DLG2: variants seen among roughly 807,000 people sequenced by gnomAD.
DLG2 encodes discs large MAGUK scaffold protein 2.
A neutral mutation model predicts 132.5 loss-of-function variants in DLG2; 45 were observed. The ratio of observed to expected loss-of-function variants is 0.34; its 90% CI spans 0.27 to 0.44. DLG2 has a LOEUF of 0.44. Among genes scored for constraint, DLG2 ranks in the 20% least tolerant of loss-of-function variants. The pLI is 1.00. For missense variants in DLG2, 1,045 were observed against 1,196.9 expected (o/e 0.87, Z 1.87); for synonymous variants, 424 against 419.6 (o/e 1.01, Z -0.13).
At chr11:83,806,386 C>T (rs578183553) in intron 17 of DLG2, among the ~76,000 whole-genome samples, 1 of 152,194 alleles carries the variant, frequency 6.6e-6, no homozygotes, top group African/African-American at 2.4e-5. Flanking sequence ...ACTCTATACA[C>T]TTTCTCTACA....
At chr11:84,693,573 A>G (rs2058286621) in intron 6 of DLG2, among the ~76,000 whole-genome samples, 1 of 151,842 alleles carries the variant, frequency 6.6e-6, no homozygotes, top group African/African-American at 2.4e-5. Flanking sequence ...GAAAAAAAGT[A>G]TTAAGATTAT....
At chr11:84,502,210 CCTTCCTTCCTTCCTTCCT>C (rs1567803407) in intron 7 of DLG2, among the ~76,000 whole-genome samples, 504 of 14,152 alleles carry the variant, frequency 0.036, 132 homozygotes, top group Admixed American at 0.037. Flanking sequence ...CTCCTTCCTT[CCTTCCTTCCTTCCTTCCT>C]TCCTTCCTTC....
chr11:84,210,215 G>T (rs941027786), intron 8 of DLG2, among the ~76,000 whole-genome samples: 1 of 151,842 alleles, frequency 6.6e-6, no homozygotes, highest in African/African-American at 2.4e-5. Context: ...CCTGGGAGGT[G>T]GAGGTTACAG....
rs906663723 is a variant in DLG2, at chr11:84,329,197, A to T, written c.520-77906T>A. On this transcript the variant is annotated intron_variant, in intron 7 of 27. Coordinates refer to ENST00000376104, the MANE Select transcript of DLG2 (RefSeq NM_001142699.3). ...AGAACTATCCTTTATTTGTAAACTCACTCTTTCTTTCCCATTATTTCACAA... is the reference window on the plus strand; with the variant it reads ...AGAACTATCCTTTATTTGTAAACTCTCTCTTTCTTTCCCATTATTTCACAA... 1.8e-4 allele frequency among the ~76,000 whole-genome samples: 28 copies of T among 151,952 alleles called. 1 individual carries two copies. Among genetic ancestry groups the T allele is most frequent in the African/African-American group, 6.5e-4 (27 of 41,376 alleles).
At chr11:83,984,678 A>AT (rs201974720) in intron 11 of DLG2, among the ~76,000 whole-genome samples, 31 of 152,034 alleles carry the variant, frequency 2.0e-4, no homozygotes, top group South Asian at 6.2e-4. Context: ...AATGTAAAGA[A>AT]TTTTTTTTCC....
At chr11:85,150,036 TTG>T (rs1201438489) in intron 5 of DLG2, among the ~76,000 whole-genome samples, 51 of 144,896 alleles carry the variant, frequency 3.5e-4, no homozygotes, top group African/African-American at 1.3e-3. Context: ...TTTTTTTTTT[TTG>T]AGACAGAGTC....
In DLG2 at chr11:83,736,709, C is replaced by T. The variant is rs909734986; in HGVS notation, c.1825+49981G>A. On this transcript the variant is annotated intron_variant, in intron 18 of 27. Transcript: ENST00000376104. ...TTGCTCTCTAAAGTGCCTGTTTCTT[C>T]TCTAGAGCATTGCCCTAAAGAATAA... Among the ~76,000 whole-genome samples the T allele has an allele frequency of 2.5e-4, 38 of 152,028 alleles. 1 individual carries two copies. Among genetic ancestry groups the T allele is most frequent in the Non-Finnish European group, 2.9e-5 (2 of 68,008 alleles).
intron 8 of DLG2, among the ~76,000 whole-genome samples, chr11:84,248,919 T>A (rs1383919716): frequency 6.6e-6 from 1 of 152,136 alleles, no homozygotes; most frequent in Non-Finnish European, 1.5e-5. Context: ...TTTGAAGGAC[T>A]CAAAGTCAGA....
chr11:84,613,447 G>A (rs1170089628), intron 6 of DLG2, among the ~76,000 whole-genome samples: 1 of 151,942 alleles, frequency 6.6e-6, no homozygotes, highest in African/African-American at 2.4e-5. Flanking sequence ...TACTCAGCTT[G>A]GACAAGGTAT....
chr11:85,291,962 T>C (rs1290557994), intron 3 of DLG2, among the ~76,000 whole-genome samples: 1 of 152,178 alleles, frequency 6.6e-6, no homozygotes, highest in Non-Finnish European at 1.5e-5. Flanking sequence ...TCCTCCAACA[T>C]ACCTTGTTCT....
intron 22 of DLG2, among the ~76,000 whole-genome samples, chr11:83,476,709 G>A (rs1396543452): frequency 6.6e-6 from 1 of 152,082 alleles, no homozygotes; most frequent in Non-Finnish European, 1.5e-5. Context: ...AGGGAAGAGT[G>A]AAAAATGAAT....
chr11:84,673,602 A>T (rs1350525145), intron 6 of DLG2, among the ~76,000 whole-genome samples: 7 of 105,710 alleles, frequency 6.6e-5, no homozygotes, highest in Non-Finnish European at 1.2e-4. Flanking sequence ...CCTAGAATCT[A>T]AAAAAAAAAA....
chr11:84,546,891 C>T (rs890170068), intron 6 of DLG2: 1 of 173,574 alleles, frequency 5.8e-6, no homozygotes, highest in Non-Finnish European at 1.2e-5. Context: ...TGTGGCATCC[C>T]AGGGCCAAAA....
intron 19 of DLG2, among the ~76,000 whole-genome samples, chr11:83,626,993 G>C (rs58847848): frequency 0.18 from 27,888 of 151,842 alleles, 2,691 homozygotes; most frequent in Non-Finnish European, 0.2. Flanking sequence ...GCAATGGGAT[G>C]AGAGAGGCTT....
chr11:84,450,512 A>G (rs2099048657), intron 7 of DLG2, among the ~76,000 whole-genome samples: 1 of 151,644 alleles, frequency 6.6e-6, no homozygotes, highest in African/African-American at 2.4e-5. Flanking sequence ...CACTGTACCC[A>G]TAATTAGACA....
chr11:84,289,704 C>CA (rs1004875023), intron 7 of DLG2, among the ~76,000 whole-genome samples: 38 of 152,212 alleles, frequency 2.5e-4, no homozygotes, highest in African/African-American at 7.0e-4. Context: ...ATGATCCACC[C>CA]AGGCATGACT....
chr11:84,211,377 C>A (rs946282997), intron 8 of DLG2, among the ~76,000 whole-genome samples: 4 of 152,142 alleles, frequency 2.6e-5, no homozygotes, highest in Non-Finnish European at 5.9e-5. Context: ...GTGCCATATT[C>A]TCTATAAGAG....
At chr11:84,184,032 A>T (rs1478283798) in intron 8 of DLG2, among the ~76,000 whole-genome samples, 1 of 151,910 alleles carries the variant, frequency 6.6e-6, no homozygotes, top group Non-Finnish European at 1.5e-5. Flanking sequence ...GCCGCAATAA[A>T]CATACGTGTG....
rs573502745 is a variant in DLG2, at chr11:84,223,285, G to T, written c.573+27953C>A. Among the ~76,000 whole-genome samples the T allele has an allele frequency of 4.5e-4, 68 of 152,222 alleles. 1 individual carries two copies. Among genetic ancestry groups the T allele is most frequent in the African/African-American group, 1.4e-3 (60 of 41,538 alleles). ...AATCGAGTAAAATGCTTTTGCCCTT[G>T]ATAAGACATTGATTGAGAGAGAATA... On this transcript the variant is annotated intron_variant, in intron 8 of 27. Coordinates refer to ENST00000376104, the MANE Select transcript of DLG2 (RefSeq NM_001142699.3).
Sources: allele counts gnomAD v4.1 joint callset (sites outside exome capture counted in the v4.1 genomes callset), GRCh38; gene constraint gnomAD v4.1.1; transcripts MANE v1.5; gene names NCBI Gene and HGNC (gene_info 2026-07-23, HGNC 2026-07-21).